Variants in TULP4 observed in about 807,000 individuals in gnomAD.
The protein encoded by TULP4 is TUB like protein 4.
In TULP4, 16 loss-of-function variants were observed where a neutral mutation model predicts 129.0. The observed-to-expected ratio is 0.12, with a 90% CI of 0.08 to 0.19. The LOEUF (loss-of-function observed/expected upper bound fraction) is 0.19, where lower values mean the gene tolerates loss of function less well. Among genes scored for constraint, TULP4 ranks in the 10% least tolerant of loss-of-function variants. The pLI, the probability that TULP4 is intolerant of heterozygous loss-of-function variation, is 1.00. For synonymous variants in TULP4, 998 were observed against 854.0 expected (o/e 1.17, Z -2.94); for missense variants, 1,842 against 2,059.1 (o/e 0.89, Z 2.04).
chr6:158,312,236 A>G (rs1779371928), upstream of TULP4: 2 of 397,602 alleles, frequency 5.0e-6, no homozygotes, highest in Non-Finnish European at 8.9e-6. Flanking sequence ...GAGTTTTACA[A>G]CTGATGAAAA....
In TULP4 at chr6:158,498,673, C is replaced by T; in HGVS notation, c.1875C>T (p.Ile625=). The change falls in exon 12 of 14, where the codon ATC becomes ATT. Residue 625 remains isoleucine (I), a synonymous_variant. Coordinates refer to ENST00000367097, the MANE Select transcript of TULP4 (RefSeq NM_020245.5). ...GCCCTTCTTTTTCCCCACCAGTAATCTATAAAACCAGCCTCCTGCATCTCC... is the reference window on the plus strand; with the variant it reads ...GCCCTTCTTTTTCCCCACCAGTAATTTATAAAACCAGCCTCCTGCATCTCC... ...AFLPTNLGAV[I]YKTSLLHLQP... is the part of the protein sequence containing the mutation. 1 of 1,614,182 alleles carries T rather than the reference C, an allele frequency of 6.2e-7. No individual in the cohort carries two copies. Among genetic ancestry groups the T allele is most frequent in the Non-Finnish European group, 8.5e-7 (1 of 1,180,026 alleles).
intron 3 of TULP4, among the ~76,000 whole-genome samples, chr6:158,447,577 T>C (rs372846912): frequency 2.6e-5 from 4 of 152,232 alleles, no homozygotes; most frequent in Non-Finnish European, 4.4e-5. Context: ...TCACTGACTT[T>C]AGTGCATTCG....
chr6:158,242,425 C>A (rs567654450), intron 1 of TULP4: 16 of 1,151,374 alleles, frequency 1.4e-5, no homozygotes, highest in East Asian at 4.7e-5. Flanking sequence ...CGGACGAGAT[C>A]TCTTTATGCC....
Position 158,356,728 on chromosome 6 carries a change from A to C in TULP4, c.252+42460A>C, listed in dbSNP as rs148909729. ...TAGGGTAATTGACGGGGAGGGGCTCAGGAGCATGGGACAAAAGGAGAGGGC... is the reference window on the plus strand; with the variant it reads ...TAGGGTAATTGACGGGGAGGGGCTCCGGAGCATGGGACAAAAGGAGAGGGC... On this transcript the variant is annotated intron_variant, in intron 1 of 13. Transcript: ENST00000367097. Among the ~76,000 whole-genome samples the C allele has an allele frequency of 3.8e-3, 582 of 152,276 alleles. 3 individuals are homozygous for C. The highest frequency in any genetic ancestry group is 0.013 in the African/African-American group (553 of 41,568).
chr6:158,413,311 A>G lies in TULP4; in HGVS notation c.381+118A>G, dbSNP rs565750525. 3 of 1,192,762 alleles carry G rather than the reference A, an allele frequency of 2.5e-6. No homozygotes were observed. The highest frequency in any genetic ancestry group is 3.0e-5 in the African/African-American group (2 of 65,654). 73.9% of individuals were successfully genotyped at this position (1,192,762 alleles called of 1,614,324 possible). The stretch of plus-strand genomic sequence containing the variant: ...CGCCACGTGCTCCAGAGCTGGGGGA[A>G]GAGAAATCAATCAAATTAGAATCCT... On this transcript the variant is annotated intron_variant, in intron 2 of 13. Coordinates refer to ENST00000367097, the MANE Select transcript of TULP4 (RefSeq NM_020245.5). The surrounding 1 kb of genome is among the most constrained non-coding windows in gnomAD (Gnocchi z 4.9).
At chr6:158,390,147 A>G (rs2114944008) in intron 1 of TULP4, among the ~76,000 whole-genome samples, 1 of 152,176 alleles carries the variant, frequency 6.6e-6, no homozygotes, top group Admixed American at 6.5e-5. Context: ...AAAAGTATAT[A>G]AAATGATATA....
intron 1 of TULP4, among the ~76,000 whole-genome samples, chr6:158,358,211 G>A (rs922309565): frequency 1.1e-4 from 17 of 152,206 alleles, no homozygotes; most frequent in Admixed American, 6.5e-5. Flanking sequence ...AGGAGGGAGA[G>A]AGTCCTTGGA....
chr6:158,281,213 A>C (rs1778745059), upstream of TULP4, among the ~76,000 whole-genome samples: 1 of 128,018 alleles, frequency 7.8e-6, no homozygotes, highest in Non-Finnish European at 1.7e-5. Flanking sequence ...TTCCTGCCGT[A>C]ATTTTTTTTT....
At chr6:158,440,746 G>A (rs1778875286) in intron 3 of TULP4, among the ~76,000 whole-genome samples, 1 of 152,202 alleles carries the variant, frequency 6.6e-6, no homozygotes, top group African/African-American at 2.4e-5. Flanking sequence ...CCAATGATTG[G>A]TACTGGTTCG....
intron 3 of TULP4, among the ~76,000 whole-genome samples, chr6:158,432,787 A>G (rs78549783): frequency 3.9e-3 from 597 of 152,368 alleles, no homozygotes; most frequent in South Asian, 6.8e-3. Context: ...GTTCAAATGT[A>G]CAGAAAAGTT....
intron 1 of TULP4, among the ~76,000 whole-genome samples, chr6:158,392,234 A>T (rs1777600005): frequency 2.0e-5 from 3 of 152,156 alleles, no homozygotes; most frequent in South Asian, 2.1e-4. Flanking sequence ...ATCTCATGAG[A>T]CTTATTCACT....
intron 9 of TULP4, among the ~76,000 whole-genome samples, chr6:158,492,567 A>G (rs971987707): frequency 6.6e-6 from 1 of 151,904 alleles, no homozygotes; most frequent in African/African-American, 2.4e-5. Context: ...TAAATCCTTC[A>G]CCTTTAAACG....
intron 1 of TULP4, among the ~76,000 whole-genome samples, chr6:158,240,158 C>T (rs1161108129): frequency 2.8e-4 from 14 of 49,400 alleles, no homozygotes; most frequent in African/African-American, 8.6e-4. Context: ...GGCGGCTGGC[C>T]GGGCGGAGGG....
intron 2 of TULP4, among the ~76,000 whole-genome samples, chr6:158,415,791 G>T (rs554379030): frequency 6.6e-6 from 1 of 152,164 alleles, no homozygotes; most frequent in Non-Finnish European, 1.5e-5. Context: ...CTTGTGTTAG[G>T]GTTCTCTAGA....
chr6:158,413,314 GA>G lies in TULP4; in HGVS notation c.381+124del. 2 of 1,169,740 alleles carry G rather than the reference GA, an allele frequency of 1.7e-6. No homozygotes were observed. The highest frequency in any genetic ancestry group is 3.1e-5 in the African/African-American group (2 of 65,242). The allele number at this position is 1,169,740 out of a possible 1,614,324, so 72.5% of individuals were successfully genotyped here. On this transcript the variant is annotated intron_variant, in intron 2 of 13. Transcript: ENST00000367097. This position sits in a 1 kb window ranked among gnomAD's most constrained non-coding sequence, Gnocchi z 4.9. ...CACGTGCTCCAGAGCTGGGGGAAGAGAAATCAATCAAATTAGAATCCTACTT... is the reference window on the plus strand; with the variant it reads ...CACGTGCTCCAGAGCTGGGGGAAGAGAATCAATCAAATTAGAATCCTACTT...
At chr6:158,288,549 G>A (rs773118539) in intron 1 of TULP4, among the ~76,000 whole-genome samples, 8 of 151,572 alleles carry the variant, frequency 5.3e-5, no homozygotes, top group Non-Finnish European at 1.0e-4. Context: ...CGCCCAGGCC[G>A]GAGTGCAGTG....
At chr6:158,417,160 C>G (rs1778228904) in intron 2 of TULP4, among the ~76,000 whole-genome samples, 1 of 152,214 alleles carries the variant, frequency 6.6e-6, no homozygotes, top group South Asian at 2.1e-4. Flanking sequence ...GCCCACCCTA[C>G]CAGCCAAGCA....
chr6:158,354,542 C>A (rs1286676261), intron 1 of TULP4, among the ~76,000 whole-genome samples: 3 of 152,036 alleles, frequency 2.0e-5, no homozygotes, highest in African/African-American at 7.2e-5. Flanking sequence ...TGTTTCATTG[C>A]TTTAGGGAAA....
At chr6:158,308,141 A>C (rs6455565), upstream of TULP4, among the ~76,000 whole-genome samples, 35,236 of 48,936 alleles carry the variant, frequency 0.72, 13,236 homozygotes, top group Admixed American at 0.8. Context: ...AGGCAGAGGA[A>C]CCTGCGGCCT....
Sources: gnomAD v4.1 joint callset for allele counts (sites outside exome capture counted in the v4.1 genomes callset) on GRCh38, gnomAD v4.1.1 for gene constraint, Gnocchi (gnomAD v3.1) non-coding constraint, MANE v1.5 for transcripts, NCBI Gene and HGNC (gene_info 2026-07-23, HGNC 2026-07-21) for gene names.